MMUT: variants seen among roughly 807,000 people sequenced by gnomAD.
MMUT encodes the protein methylmalonyl-CoA mutase, mitochondrial.
In MMUT, 79 loss-of-function variants were observed where a neutral mutation model predicts 79.9. That is an observed-to-expected ratio of 0.99 (90% CI 0.82 to 1.19). The LOEUF (loss-of-function observed/expected upper bound fraction) is 1.19. Ranked by LOEUF, MMUT falls within the 50% of genes most tolerant of loss-of-function variation. The pLI, the probability that MMUT is intolerant of heterozygous loss-of-function variation, is 0.00. For synonymous variants in MMUT, 273 were observed against 295.7 expected (o/e 0.92, Z 0.79); for missense variants, 860 against 917.2 (o/e 0.94, Z 0.81).
chr6:49,433,582 T>TC (rs1239658343), intron 12 of MMUT, among the ~76,000 whole-genome samples: 1 of 152,186 alleles, frequency 6.6e-6, no homozygotes, highest in Non-Finnish European at 1.5e-5. Context: ...GTGAGTCTAC[T>TC]CAACTTGCTG....
At chr6:49,457,547 T>C in intron 3 of MMUT, 144 bp downstream of exon 3, 2 of 670,664 alleles carry the variant, frequency 3.0e-6, no homozygotes. Context: ...ATAAAATTAG[T>C]ACATTAAAAA....
chr6:49,459,385 T>G lies in MMUT; in HGVS notation c.82A>C (p.Ile28Leu), dbSNP rs778241680. The G allele has an allele frequency of 2.5e-6, 4 of 1,613,706 alleles. No individual in the cohort carries two copies. Among genetic ancestry groups the G allele is most frequent in the Non-Finnish European group, 2.5e-6 (3 of 1,179,928 alleles). Residue 28 changes from isoleucine (I) to leucine (L), a missense_variant, in exon 2 of 13, where the codon ATA becomes CTA. Ile to Leu is a conservative substitution (Grantham distance 5, BLOSUM62 2). Coordinates refer to ENST00000274813, the MANE Select transcript of MMUT (RefSeq NM_000255.4). ...TGCTGGTGTAGAAGTCGTTGCTGTA[T>G]GAGCCTGGAGCCTGATGATTCTTTT... is the stretch of plus-strand genomic sequence containing the variant. The part of the protein sequence containing the change: ...QVKESSGSRL[I>L]QQRLLHQQQP...
At chr6:49,450,671 T>C (rs1767530198) in intron 6 of MMUT, among the ~76,000 whole-genome samples, 1 of 152,148 alleles carries the variant, frequency 6.6e-6, no homozygotes, top group South Asian at 2.1e-4. Context: ...TAATCAATTA[T>C]AAAAATAGAA....
rs1767284723 is a variant in MMUT at position 49,441,867 on chromosome 6, C to T, written c.1781G>A (p.Ser594Asn). 1 of 1,611,916 alleles carries T rather than the reference C, an allele frequency of 6.2e-7. No individual in the cohort carries two copies. The highest frequency in any genetic ancestry group is 8.5e-7 in the Non-Finnish European group (1 of 1,178,592). The part of the protein sequence containing the change: ...SGAYRQEFGE[S>N]KEITSAIKRV... Reference sequence around the variant, plus strand: ...CTTGATAGCAGATGTTATCTCTTTACTTTCTCCAAATTCCTGGCGATATGC... The same window carrying T: ...CTTGATAGCAGATGTTATCTCTTTATTTTCTCCAAATTCCTGGCGATATGC... Residue 594 changes from serine to asparagine, a missense_variant, in exon 10 of 13, where the codon AGT becomes AAT. Physicochemically the swap from Ser to Asn is conservative, Grantham distance 46. Coordinates refer to ENST00000274813, the MANE Select transcript of MMUT (RefSeq NM_000255.4).
intron 3 of MMUT, among the ~76,000 whole-genome samples, chr6:49,456,671 T>C (rs1767699076): frequency 6.6e-6 from 1 of 152,180 alleles, no homozygotes; most frequent in Non-Finnish European, 1.5e-5. Flanking sequence ...ATTTACTAGT[T>C]ATTAATTTTC....
At chr6:49,452,523 C>T (rs1317388736) in intron 5 of MMUT, among the ~76,000 whole-genome samples, 4 of 151,906 alleles carry the variant, frequency 2.6e-5, no homozygotes, top group African/African-American at 7.3e-5. Flanking sequence ...TTAGTAGAGA[C>T]GGGGTTTCAC....
chr6:49,438,503 A>G (rs527748109), intron 11 of MMUT, among the ~76,000 whole-genome samples: 1 of 152,350 alleles, frequency 6.6e-6, no homozygotes, highest in East Asian at 1.9e-4. Flanking sequence ...TTTGAAAGTA[A>G]TCTTCATAGT....
intron 9 of MMUT, chr6:49,443,836 A>G: frequency 2.3e-6 from 1 of 430,204 alleles, no homozygotes. Context: ...ACATGAGATT[A>G]GATTCTGTTT....
intron 10 of MMUT, among the ~76,000 whole-genome samples, chr6:49,441,535 A>G (rs1019186085): frequency 6.0e-5 from 9 of 150,814 alleles, no homozygotes; most frequent in Non-Finnish European, 1.3e-4. Flanking sequence ...ATGAAAACTA[A>G]TATTAGTTTC....
rs1442661766 is a variant in MMUT, at chr6:49,453,589, T to C, written c.1079A>G (p.Glu360Gly). The C allele has an allele frequency of 1.2e-6, 2 of 1,600,730 alleles. No homozygotes were observed. The highest frequency in any genetic ancestry group is 1.7e-6 in the Non-Finnish European group (2 of 1,169,614). Residue 360 changes from glutamate to glycine, a missense_variant, in exon 5 of 13, where the codon GAG becomes GGG. Transcript: ENST00000274813. ...HCQTSGWSLT[E>G]QDPYNNIVRT... Reference sequence around the variant, plus strand: ...CATTTTAAATTATATACATACCTGCTCAGTAAGTGACCATCCAGATGTCTG... The same window carrying C: ...CATTTTAAATTATATACATACCTGCCCAGTAAGTGACCATCCAGATGTCTG...
rs761323724 is a variant in MMUT at position 49,451,593 on chromosome 6, G to C, written c.1205C>G (p.Ala402Gly). The C allele has an allele frequency of 6.2e-7, 1 of 1,614,092 alleles. No homozygotes were observed. Among genetic ancestry groups the C allele is most frequent in the South Asian group, 1.1e-5 (1 of 91,076 alleles). The change falls in exon 6 of 13, where the codon GCT (alanine) becomes GGT (glycine). Residue 402 changes from alanine to glycine, a missense_variant. Physicochemically the swap from Ala to Gly is moderately conservative, Grantham distance 60. Coordinates refer to ENST00000274813, the MANE Select transcript of MMUT (RefSeq NM_000255.4). ...EALGLPTVKS[A>G]RIARNTQIII... is the part of the protein sequence containing the mutation. ...GATTTGTGTGTTCCTGGCAATTCGA[G>C]CACTTTTCACAGTTGGCAAACCCAA...
intron 9 of MMUT, among the ~76,000 whole-genome samples, chr6:49,444,372 T>A (rs1388540612): frequency 6.6e-6 from 1 of 152,132 alleles, no homozygotes; most frequent in African/African-American, 2.4e-5. Context: ...CATTTCAACC[T>A]GCGAATCAGT....
chr6:49,444,519 C>A, intron 9 of MMUT, 120 bp downstream of exon 9: 1 of 770,394 alleles, frequency 1.3e-6, no homozygotes, highest in Non-Finnish European at 2.3e-6. Context: ...ACGATGGATG[C>A]CATTATTTTC....
At chr6:49,439,597 TC>T (rs958120028) in intron 11 of MMUT, among the ~76,000 whole-genome samples, 7 of 152,036 alleles carry the variant, frequency 4.6e-5, no homozygotes, top group Non-Finnish European at 7.4e-5. Flanking sequence ...AGTAACACAT[TC>T]CAAATGAGGA....
At chr6:49,447,875 A>G (rs1275171431) in intron 7 of MMUT, 90 bp from the exon 8 acceptor site, 8 of 751,180 alleles carry the variant, frequency 1.1e-5, no homozygotes, top group Admixed American at 2.2e-5. Context: ...TAAATTTAAT[A>G]TCTTTAAGTA....
rs2127411761 is a variant in MMUT at position 49,430,940 on chromosome 6, A to G, written c.*788T>C. On this transcript the variant is annotated 3_prime_UTR_variant, in exon 13 of 13. Coordinates refer to ENST00000274813, the MANE Select transcript of MMUT (RefSeq NM_000255.4). Reference sequence around the variant, plus strand: ...AATCTATGCAAGGTAGCATCTTTCTAGATCTGGAAAGTTGAATTCTTTCTA... The same window carrying G: ...AATCTATGCAAGGTAGCATCTTTCTGGATCTGGAAAGTTGAATTCTTTCTA... The G allele has an allele frequency of 6.6e-6, 1 of 152,314 alleles. No individual in the cohort carries two copies. The highest frequency in any genetic ancestry group is 2.4e-5 in the African/African-American group (1 of 41,568). The allele number at this position is 152,314 out of a possible 1,614,324, so 9.4% of individuals were successfully genotyped here. A position where few individuals can be genotyped will look rare whatever the true frequency, so the allele number is the denominator to read the frequency against.
In MMUT at chr6:49,451,644, A is replaced by C; in HGVS notation, c.1154T>G (p.Leu385Trp). The C allele has an allele frequency of 1.2e-6, 2 of 1,614,142 alleles. No homozygotes were observed. Among genetic ancestry groups the C allele is most frequent in the Non-Finnish European group, 1.7e-6 (2 of 1,180,000 alleles). Reference protein sequence around the residue: ...MAAVFGGTQSLHTNSFDEALG... With the variant: ...MAAVFGGTQSWHTNSFDEALG... Reference sequence around the variant, plus strand: ...AGCTTCATCAAAAGAATTTGTGTGCAAAGACTGAGTCCCTCCAAATACTGC... The same window carrying C: ...AGCTTCATCAAAAGAATTTGTGTGCCAAGACTGAGTCCCTCCAAATACTGC... The change falls in exon 6 of 13, where the codon TTG becomes TGG. Residue 385 changes from leucine (L) to tryptophan (W), a missense_variant. Physicochemically the swap from Leu to Trp is moderately conservative, Grantham distance 61. Coordinates refer to ENST00000274813, the MANE Select transcript of MMUT (RefSeq NM_000255.4).
intron 4 of MMUT, among the ~76,000 whole-genome samples, chr6:49,455,510 A>C (rs2127419233): frequency 6.6e-6 from 1 of 152,328 alleles, no homozygotes; most frequent in East Asian, 1.9e-4. Context: ...TACATGTTGT[A>C]TTGTCAGCAT....
At chr6:49,447,636 C>T (rs762852792) in intron 8 of MMUT, 34 bp downstream of exon 8, 1 of 1,030,270 alleles carries the variant, frequency 9.7e-7, no homozygotes, top group Non-Finnish European at 1.4e-6. Flanking sequence ...ACAGAAAATA[C>T]TTAAAAAAAA....
Sources: allele counts gnomAD v4.1 joint callset (sites outside exome capture counted in the v4.1 genomes callset), GRCh38; gene constraint gnomAD v4.1.1; transcripts MANE v1.5; gene names NCBI Gene and HGNC (gene_info 2026-07-23, HGNC 2026-07-21).